Variants in IQCJ observed in about 807,000 individuals in gnomAD.
IQCJ encodes IQ motif containing J, also known as IQ domain-containing protein J.
In IQCJ, 9 loss-of-function variants were observed where a neutral mutation model predicts 11.0. The ratio of observed to expected loss-of-function variants is 0.82; its 90% CI spans 0.49 to 1.43. The LOEUF (loss-of-function observed/expected upper bound fraction) is 1.43. Ranked by LOEUF, IQCJ falls within the 40% of genes most tolerant of loss-of-function variation. IQCJ has a pLI of 0.00. For missense variants in IQCJ, 146 were observed against 133.2 expected, an observed-to-expected ratio of 1.10 and a Z score of -0.47; for synonymous variants, 55 against 51.3, an observed-to-expected ratio of 1.07 and a Z score of -0.31.
intron 1 of IQCJ, among the ~76,000 whole-genome samples, chr3:159,214,631 A>G (rs183649985): frequency 6.6e-6 from 1 of 152,270 alleles, no homozygotes; most frequent in African/African-American, 2.4e-5. Flanking sequence ...CCATTCACAT[A>G]TGTTCTAACT....
chr3:159,166,627 C>G (rs1722179867), intron 1 of IQCJ, among the ~76,000 whole-genome samples: 1 of 152,170 alleles, frequency 6.6e-6, no homozygotes. Flanking sequence ...CTTTCTAGCA[C>G]CAAGTGCAGC....
chr3:159,081,713 C>T (rs541586441), intron 1 of IQCJ, among the ~76,000 whole-genome samples: 8 of 152,052 alleles, frequency 5.3e-5, no homozygotes, highest in South Asian at 2.1e-4. Context: ...ACAGTCCTTC[C>T]GAATACGACT....
intron 1 of IQCJ, among the ~76,000 whole-genome samples, chr3:159,161,134 T>C (rs1240227697): frequency 6.6e-6 from 1 of 151,840 alleles, no homozygotes; most frequent in East Asian, 1.9e-4. Context: ...TTGAACTAGT[T>C]TACAGTCCCA....
intron 1 of IQCJ, among the ~76,000 whole-genome samples, chr3:159,225,318 T>C (rs921213689): frequency 6.6e-6 from 1 of 152,148 alleles, no homozygotes; most frequent in African/African-American, 2.4e-5. Context: ...TTCACTCGAA[T>C]ATTCTTAAAA....
intron 1 of IQCJ, among the ~76,000 whole-genome samples, chr3:159,225,231 A>T (rs1725786268): frequency 6.6e-6 from 1 of 152,232 alleles, no homozygotes; most frequent in Non-Finnish European, 1.5e-5. Flanking sequence ...GGTACTATTC[A>T]TACACACGAA....
At chr3:159,137,533 T>C (rs992930560) in intron 1 of IQCJ, among the ~76,000 whole-genome samples, 2 of 152,178 alleles carry the variant, frequency 1.3e-5, no homozygotes, top group African/African-American at 4.8e-5. Flanking sequence ...CAATGATCCT[T>C]TAAAAACATA....
chr3:159,261,178 G>T (rs1728181615), intron 3 of IQCJ, among the ~76,000 whole-genome samples: 1 of 152,148 alleles, frequency 6.6e-6, no homozygotes, highest in South Asian at 2.1e-4. Context: ...AATGACATAG[G>T]TTGTGTGTGA....
chr3:159,113,597 C>G (rs1253343891), intron 1 of IQCJ, among the ~76,000 whole-genome samples: 1 of 152,168 alleles, frequency 6.6e-6, no homozygotes, highest in Non-Finnish European at 1.5e-5. Flanking sequence ...GATAGCTCTG[C>G]CCTTACAACA....
At chr3:159,200,045 T>TATATATATATATATATATAA (rs1724220886) in intron 1 of IQCJ, among the ~76,000 whole-genome samples, 2 of 140,926 alleles carry the variant, frequency 1.4e-5, no homozygotes, top group South Asian at 4.7e-4. Flanking sequence ...TATATATATA[T>TATATATATATATATATATAA]ATAAATCTAA....
At chr3:159,263,960 G>A (rs1327295079), downstream of IQCJ, among the ~76,000 whole-genome samples, 1 of 152,176 alleles carries the variant, frequency 6.6e-6, no homozygotes, top group Non-Finnish European at 1.5e-5. Flanking sequence ...GAAAATGCCA[G>A]GGCTTCTCGT....
intron 1 of IQCJ, among the ~76,000 whole-genome samples, chr3:159,221,048 A>G (rs1725507292): frequency 6.6e-6 from 1 of 152,150 alleles, no homozygotes; most frequent in South Asian, 2.1e-4. Context: ...AAAATAGAAT[A>G]AGGCAGCAGA....
chr3:159,093,554 C>T (rs1009837054), intron 1 of IQCJ, among the ~76,000 whole-genome samples: 2 of 151,708 alleles, frequency 1.3e-5, no homozygotes, highest in African/African-American at 4.9e-5. Flanking sequence ...GGGAGCCTGG[C>T]AGGACAGGGT....
intron 1 of IQCJ, among the ~76,000 whole-genome samples, chr3:159,148,112 A>G (rs983212644): frequency 6.6e-6 from 1 of 152,252 alleles, no homozygotes; most frequent in African/African-American, 2.4e-5. Context: ...ACCTTACATT[A>G]GGAAAGTAGA....
intron 1 of IQCJ, among the ~76,000 whole-genome samples, chr3:159,228,688 G>C (rs1031457249): frequency 4.4e-4 from 67 of 152,072 alleles, no homozygotes; most frequent in Non-Finnish European, 7.7e-4. Context: ...CTACTTGGGA[G>C]GCTGAGGCAG....
At chr3:159,147,171 A>C (rs898636035) in intron 1 of IQCJ, among the ~76,000 whole-genome samples, 1 of 152,232 alleles carries the variant, frequency 6.6e-6, no homozygotes, top group Non-Finnish European at 1.5e-5. Flanking sequence ...ATGAGGTTCC[A>C]TTTGAGCTCC....
chr3:159,216,084 G>A (rs1184991329), intron 1 of IQCJ, among the ~76,000 whole-genome samples: 1 of 123,972 alleles, frequency 8.1e-6, no homozygotes, highest in African/African-American at 3.0e-5. Context: ...GCGTGTGTGT[G>A]TGTGGGGCGG....
chr3:159,227,374 C>T lies in IQCJ; in HGVS notation c.10-18469C>T, dbSNP rs966788557. On this transcript the variant is annotated intron_variant, in intron 1 of 3. Coordinates refer to ENST00000397832, the MANE Select transcript of IQCJ (RefSeq NM_001042706.3). ...CTACTTATATTGATATTTTTGAGAC[C>T]TGCTTACCTAGAGTAAGCATCTTTA... Among the ~76,000 whole-genome samples, 6 of 152,120 alleles carry T rather than the reference C, an allele frequency of 3.9e-5. No individual in the cohort carries two copies. In the South Asian group the frequency reaches 6.2e-4, roughly 16 times the overall value.
chr3:159,196,042 G>T (rs530595935), intron 1 of IQCJ, among the ~76,000 whole-genome samples: 82 of 152,200 alleles, frequency 5.4e-4, no homozygotes, highest in African/African-American at 1.9e-3. Context: ...GCCCTGTGTG[G>T]CAAATAGTGA....
At position 159,262,899 on chromosome 3, in the gene IQCJ, G is replaced by A. The variant is rs538463372; in HGVS notation, c.*168G>A. 3.0e-5 allele frequency: 41 copies of A among 1,382,062 alleles called. No homozygotes were observed. In the Admixed American group the frequency reaches 3.6e-4, roughly 12 times the overall value. The allele number at this position is 1,382,062 out of a possible 1,614,324, so 85.6% of individuals were successfully genotyped here. A position where few individuals can be genotyped will look rare whatever the true frequency, so the allele number is the denominator to read the frequency against. ...CACAAAGTGAACTTTATCAAGTCTGGAGAAAATAGATTGCATTTATGTGTT... is the reference window on the plus strand; with the variant it reads ...CACAAAGTGAACTTTATCAAGTCTGAAGAAAATAGATTGCATTTATGTGTT... On this transcript the variant is annotated 3_prime_UTR_variant, in exon 4 of 4. Transcript: ENST00000397832.
Sources: gnomAD v4.1 joint callset for allele counts (sites outside exome capture counted in the v4.1 genomes callset) on GRCh38, gnomAD v4.1.1 for gene constraint, MANE v1.5 for transcripts, NCBI Gene and HGNC (gene_info 2026-07-23, HGNC 2026-07-21) for gene names.